The following LCP1 variants were observed in gnomAD, a reference collection of about 807,000 sequenced individuals.
LCP1 encodes the protein plastin-2.
LCP1 carries 23 observed loss-of-function variants against 72.0 expected under a neutral mutation model. The ratio of observed to expected loss-of-function variants is 0.32; its 90% CI spans 0.23 to 0.45. LCP1 has a LOEUF of 0.45. Among genes scored for constraint, LCP1 ranks in the 20% least tolerant of loss-of-function variants. The probability of loss-of-function intolerance (pLI) is 1.00; values close to 1 mark genes in which losing one functional copy is unlikely to be tolerated. For missense variants in LCP1, 571 were observed against 748.3 expected (o/e 0.76, Z 2.76); for synonymous variants, 245 against 275.4 (o/e 0.89, Z 1.09).
chr13:46,174,227 GA>G (rs1390570620), intron 1 of LCP1, among the ~76,000 whole-genome samples: 1 of 151,990 alleles, frequency 6.6e-6, no homozygotes, highest in Non-Finnish European at 1.5e-5. Context: ...CTTATTTGCA[GA>G]AAAAAACAAA....
intron 1 of LCP1, among the ~76,000 whole-genome samples, chr13:46,180,895 C>A (rs2045952798): frequency 6.6e-6 from 1 of 152,198 alleles, no homozygotes; most frequent in Non-Finnish European, 1.5e-5. Flanking sequence ...CTCAGTTTCA[C>A]ATTTTTGCTT....
At chr13:46,131,980 C>T (rs573015929) in intron 14 of LCP1, among the ~76,000 whole-genome samples, 1 of 146,612 alleles carries the variant, frequency 6.8e-6, no homozygotes, top group East Asian at 2.1e-4. Flanking sequence ...TGTAACAAAC[C>T]TGCAAATGTA....
chr13:46,127,768 C>A lies in LCP1; in HGVS notation c.1752-45G>T. On this transcript the variant is annotated intron_variant, in intron 15 of 15. Transcript: ENST00000323076. ...AAAAATAAGGAGAGCCTGAGAAACACAACACGAATGGGACCCTGGAGGGTC... is the reference window on the plus strand; with the variant it reads ...AAAAATAAGGAGAGCCTGAGAAACAAAACACGAATGGGACCCTGGAGGGTC... 2.5e-6 allele frequency: 4 copies of A among 1,610,538 alleles called. No homozygotes were observed. The South Asian group carries it at 3.3e-5, about 13-fold the overall frequency.
Position 46,154,843 on chromosome 13 carries a change from T to G in LCP1, c.535A>C (p.Thr179Pro). 1.2e-6 allele frequency: 2 copies of G among 1,614,176 alleles called. No homozygotes were observed. Among genetic ancestry groups the G allele is most frequent in the Non-Finnish European group, 1.7e-6 (2 of 1,179,986 alleles). ...LSVPDTIDER[T>P]INKKKLTPFT... Reference sequence around the variant, plus strand: ...GGGGTTAGCTTCTTTTTGTTGATTGTTCTTTCATCAATTGTGTCTGGCACT... The same window carrying G: ...GGGGTTAGCTTCTTTTTGTTGATTGGTCTTTCATCAATTGTGTCTGGCACT... Residue 179 changes from threonine to proline, a missense_variant, in exon 6 of 16, where the codon ACA becomes CCA. Transcript: ENST00000323076.
Position 46,126,789 on chromosome 13 carries a change from C to T in LCP1, c.*802G>A, listed in dbSNP as rs989648585. On this transcript the variant is annotated 3_prime_UTR_variant, in exon 16 of 16. Coordinates refer to ENST00000323076, the MANE Select transcript of LCP1 (RefSeq NM_002298.5). Reference sequence around the variant, plus strand: ...TACACCCTCCTTGGATCCAACCTTCCATTAAGGCTGAAGGCTCTAGAGGGC... The same window carrying T: ...TACACCCTCCTTGGATCCAACCTTCTATTAAGGCTGAAGGCTCTAGAGGGC... The T allele has an allele frequency of 8.7e-6, 2 of 230,942 alleles. No individual in the cohort carries two copies. Among genetic ancestry groups the T allele is most frequent in the African/African-American group, 2.2e-5 (1 of 45,210 alleles). 14.3% of individuals were successfully genotyped at this position (230,942 alleles called of 1,614,324 possible).
At chr13:46,148,971 G>T (rs1593951630) in intron 8 of LCP1, among the ~76,000 whole-genome samples, 1 of 152,146 alleles carries the variant, frequency 6.6e-6, no homozygotes, top group African/African-American at 2.4e-5. Context: ...ATTAAGAAAA[G>T]TGCATTTCAT....
chr13:46,160,845 A>G (rs1330390949), intron 1 of LCP1, among the ~76,000 whole-genome samples: 1 of 152,142 alleles, frequency 6.6e-6, no homozygotes, highest in Non-Finnish European at 1.5e-5. Context: ...GCATAGTTAT[A>G]TTTTGGATAG....
intron 1 of LCP1, among the ~76,000 whole-genome samples, chr13:46,170,983 G>GT (rs1276046665): frequency 6.6e-6 from 1 of 152,146 alleles, no homozygotes; most frequent in African/African-American, 2.4e-5. Context: ...AGATCAGTCT[G>GT]TTTTTTTCTT....
At chr13:46,156,301 G>T in intron 5 of LCP1, 137 bp downstream of exon 5, 1 of 899,510 alleles carries the variant, frequency 1.1e-6, no homozygotes, top group Non-Finnish European at 1.7e-6. Flanking sequence ...CCTGGACCTG[G>T]CCAAGTGAAA....
At chr13:46,156,890 C>T (rs568410575) in intron 4 of LCP1, among the ~76,000 whole-genome samples, 100 of 150,470 alleles carry the variant, frequency 6.6e-4, no homozygotes, top group African/African-American at 2.2e-3. Flanking sequence ...GGCGCGATCT[C>T]GGCTCACTGC....
chr13:46,142,659 C>A, intron 12 of LCP1: 2 of 574,404 alleles, frequency 3.5e-6, no homozygotes, highest in Non-Finnish European at 3.2e-6. Context: ...GAAATGAATT[C>A]ATTACTATGA....
intron 13 of LCP1, among the ~76,000 whole-genome samples, chr13:46,137,369 C>G (rs1000289456): frequency 8.5e-5 from 13 of 152,140 alleles, no homozygotes; most frequent in Admixed American, 3.3e-4. Context: ...GAAACCCTGT[C>G]TCTACTAAAA....
Position 46,159,436 on chromosome 13 carries a change from A to C in LCP1, c.64+163T>G, listed in dbSNP as rs555069475. ...TTTGATAGAGAAAGTCATTTTATTG[A>C]AGCATATTTTTCAAAAATAAGTTCT... On this transcript the variant is annotated intron_variant, in intron 2 of 15. Transcript: ENST00000323076. 3.5e-5 allele frequency: 21 copies of C among 604,996 alleles called. No homozygotes were observed. The South Asian group carries it at 3.9e-4, about 11-fold the overall frequency. The allele number at this position is 604,996 out of a possible 1,614,324, so 37.5% of individuals were successfully genotyped here. A position where few individuals can be genotyped will look rare whatever the true frequency, so the allele number is the denominator to read the frequency against.
intron 4 of LCP1, among the ~76,000 whole-genome samples, chr13:46,157,637 C>T (rs2045811137): frequency 6.6e-6 from 1 of 151,754 alleles, no homozygotes; most frequent in South Asian, 2.1e-4. Flanking sequence ...TAAAGATTCA[C>T]ATTGCACATT....
chr13:46,127,684 C>G lies in LCP1; in HGVS notation c.1791G>C (p.Val597=). 1 of 1,614,148 alleles carries G rather than the reference C, an allele frequency of 6.2e-7. No individual in the cohort carries two copies. The highest frequency in any genetic ancestry group is 8.5e-7 in the Non-Finnish European group (1 of 1,180,012). ...CAACCAGGTCTTCTGGCAGGGCATA[C>G]ACTCTTGCTCCAATTTTTCGGGCCA... ...ISMARKIGAR[V]YALPEDLVEV... Residue 597 remains valine (V), a synonymous_variant, in exon 16 of 16, where the codon GTG becomes GTC. Coordinates refer to ENST00000323076, the MANE Select transcript of LCP1 (RefSeq NM_002298.5).
chr13:46,163,809 T>C (rs117401088), intron 1 of LCP1, among the ~76,000 whole-genome samples: 1 of 152,320 alleles, frequency 6.6e-6, no homozygotes, highest in East Asian at 1.9e-4. Context: ...TAGAACTTTG[T>C]ATTAATATAC....
intron 1 of LCP1, among the ~76,000 whole-genome samples, chr13:46,166,049 T>G (rs1247408768): frequency 6.6e-6 from 1 of 152,078 alleles, no homozygotes; most frequent in African/African-American, 2.4e-5. Flanking sequence ...GCTTAAAGGG[T>G]GCTGGTATTT....
intron 1 of LCP1, among the ~76,000 whole-genome samples, chr13:46,180,950 C>T (rs1269557851): frequency 6.6e-6 from 1 of 152,144 alleles, no homozygotes; most frequent in African/African-American, 2.4e-5. Context: ...CATTGGTGGT[C>T]ACATTTTGCA....
At chr13:46,139,861 T>TA (rs1462119759) in intron 13 of LCP1, among the ~76,000 whole-genome samples, 2 of 152,208 alleles carry the variant, frequency 1.3e-5, no homozygotes, top group Admixed American at 6.5e-5. Flanking sequence ...TAAAGTTTTG[T>TA]ATGAAAGGAA....
Sources: allele counts gnomAD v4.1 joint callset (sites outside exome capture counted in the v4.1 genomes callset), GRCh38; gene constraint gnomAD v4.1.1; transcripts MANE v1.5; gene names NCBI Gene and HGNC (gene_info 2026-07-23, HGNC 2026-07-21).